Variants in SMARCAL1 observed in about 807,000 individuals in gnomAD.
The protein encoded by SMARCAL1 is SNF2 related chromatin remodeling annealing helicase 1, also known as ATP-driven annealing helicase.
SMARCAL1 carries 58 observed loss-of-function variants against 94.5 expected under a neutral mutation model. That is an observed-to-expected ratio of 0.61 (90% CI 0.50 to 0.76). The LOEUF (loss-of-function observed/expected upper bound fraction) is 0.76. Among genes scored for constraint, SMARCAL1 ranks in the 30% least tolerant of loss-of-function variants. SMARCAL1 has a pLI of 0.00. For missense variants in SMARCAL1, 1,051 were observed against 1,177.9 expected (o/e 0.89, Z 1.58); for synonymous variants, 422 against 455.1 (o/e 0.93, Z 0.93).
In SMARCAL1 at chr2:216,475,227, C is replaced by A. The variant is rs369356727; in HGVS notation, c.2245-42C>A. The A allele has an allele frequency of 3.2e-5, 51 of 1,608,448 alleles. No individual in the cohort carries two copies. Among genetic ancestry groups the A allele is most frequent in the Non-Finnish European group, 2.6e-5 (30 of 1,176,438 alleles). ...TGGGTGTGGTTTGCTGAGAAGCCCC[C>A]GGGGCTGTTGCCCACCTTGCTTCTG... is the stretch of plus-strand genomic sequence containing the variant. On this transcript the variant is annotated intron_variant, in intron 14 of 17. Transcript: ENST00000357276. This position sits in a 1 kb window ranked among gnomAD's most constrained non-coding sequence, Gnocchi z 4.4.
chr2:216,480,100 T>A (rs550640250), intron 17 of SMARCAL1, among the ~76,000 whole-genome samples: 1 of 152,322 alleles, frequency 6.6e-6, no homozygotes, highest in East Asian at 1.9e-4. Flanking sequence ...TCACTTGAAC[T>A]CATTTATTCC....
rs762312641 is a variant in SMARCAL1 at position 216,423,499 on chromosome 2, C to G, written c.1097-134C>G. ...TCTCCTAATTTCTGTATCCGCAGTG[C>G]TAGGTACAGGACCAGCTGCCACATT... On this transcript the variant is annotated intron_variant, in intron 5 of 17. Coordinates refer to ENST00000357276, the MANE Select transcript of SMARCAL1 (RefSeq NM_014140.4). 80 of 763,254 alleles carry G rather than the reference C, an allele frequency of 1.0e-4. 1 individual carries two copies. Among genetic ancestry groups the G allele is most frequent in the Non-Finnish European group, 1.8e-4 (75 of 423,860 alleles). 47.3% of individuals were successfully genotyped at this position (763,254 alleles called of 1,614,324 possible). A position where few individuals can be genotyped will look rare whatever the true frequency, so the allele number is the denominator to read the frequency against.
chr2:216,474,454 GAAA>G (rs111287911), intron 14 of SMARCAL1, among the ~76,000 whole-genome samples: 1 of 115,450 alleles, frequency 8.7e-6, no homozygotes, highest in Non-Finnish European at 1.8e-5. Flanking sequence ...GTGCATTCTT[GAAA>G]AAAAAAAAAA....
chr2:216,428,280 T>G (rs1693882661), intron 6 of SMARCAL1, among the ~76,000 whole-genome samples: 1 of 152,218 alleles, frequency 6.6e-6, no homozygotes, highest in Admixed American at 6.5e-5. Context: ...TCTCTCCGGT[T>G]TATTCTTTTT....
In SMARCAL1 at chr2:216,478,373, T is replaced by G; in HGVS notation, c.2625+74T>G. ...AGCTGTCTGCCAAGTCTTTGGGTCC[T>G]GAGTAGGAGGATGTGAATCACTCCT... On this transcript the variant is annotated intron_variant, in intron 17 of 17. Transcript: ENST00000357276. The G allele has an allele frequency of 2.6e-6, 3 of 1,148,894 alleles. No homozygotes were observed. The South Asian group carries it at 3.7e-5, about 14-fold the overall frequency. The allele number at this position is 1,148,894 out of a possible 1,614,324, so 71.2% of individuals were successfully genotyped here.
chr2:216,479,229 C>T (rs1110998), intron 17 of SMARCAL1: 35,129 of 152,152 alleles, frequency 0.23, 5,023 homozygotes, highest in Non-Finnish European at 0.3. Flanking sequence ...CTTACGGTAG[C>T]TTATCAGGAA....
In SMARCAL1 at chr2:216,415,017, C is replaced by T. The variant is rs372708949; in HGVS notation, c.313C>T (p.Pro105Ser). ...KGIWKKPEEM[P>S]TACPGHSPRS... ...AATATGGAAAAAGCCAGAAGAAATG[C>T]CCACAGCCTGCCCAGGCCACAGTCC... Residue 105 changes from proline (P) to serine (S), a missense_variant, in exon 3 of 18, where the codon CCC (proline) becomes TCC (serine). Physicochemically the swap from Pro to Ser is moderately conservative, Grantham distance 74. Around this residue, in one of 3 missense-constraint regions of SMARCAL1, gnomAD observed 398 missense variants for 395.2 expected, o/e 1.01. Transcript: ENST00000357276. The T allele has an allele frequency of 6.2e-7, 1 of 1,613,988 alleles. No individual in the cohort carries two copies. The highest frequency in any genetic ancestry group is 8.5e-7 in the Non-Finnish European group (1 of 1,179,950).
At chr2:216,457,410 T>A (rs142752099) in intron 12 of SMARCAL1, among the ~76,000 whole-genome samples, 5,349 of 152,278 alleles carry the variant, frequency 0.035, 201 homozygotes, top group East Asian at 0.16. Flanking sequence ...CACACCGTAC[T>A]TATTCCAAAA....
intron 7 of SMARCAL1, 77 bp downstream of exon 7, chr2:216,428,859 C>T: frequency 7.5e-7 from 1 of 1,336,582 alleles, no homozygotes; most frequent in Non-Finnish European, 1.1e-6. Context: ...TCAGATGCTT[C>T]CTGTTTTATG....
chr2:216,429,450 A>G (rs1342291561), intron 7 of SMARCAL1, among the ~76,000 whole-genome samples: 2 of 152,382 alleles, frequency 1.3e-5, no homozygotes, highest in South Asian at 2.1e-4. Context: ...AAGAAAAAAG[A>G]TAAACCTACA....
intron 17 of SMARCAL1, among the ~76,000 whole-genome samples, chr2:216,478,808 C>T (rs535303857): frequency 1.2e-3 from 178 of 152,320 alleles, no homozygotes; most frequent in Non-Finnish European, 2.0e-3. Flanking sequence ...GCATGTGAAG[C>T]CAGCCCAAGG....
Position 216,435,516 on chromosome 2 carries a change from C to T in SMARCAL1, c.1644+20C>T, listed in dbSNP as rs774153257. 6.2e-7 allele frequency: 1 copy of T among 1,604,442 alleles called. No homozygotes were observed. The highest frequency in any genetic ancestry group is 8.5e-7 in the Non-Finnish European group (1 of 1,171,296). On this transcript the variant is annotated intron_variant, in intron 9 of 17. Transcript: ENST00000357276. ...ATCATTGTAAGAAACTTGGCAAAGT[C>T]TTTAAGTACTTTATCTCTCTGGAAA...
chr2:216,462,662 G>A (rs767492000), intron 12 of SMARCAL1, among the ~76,000 whole-genome samples: 5 of 151,956 alleles, frequency 3.3e-5, no homozygotes, highest in South Asian at 4.2e-4. Context: ...CTTTTTTCCC[G>A]TAAAGTCCTG....
chr2:216,428,841 G>T (rs1371526953), intron 7 of SMARCAL1, 59 bp downstream of exon 7: 10 of 1,452,446 alleles, frequency 6.9e-6, no homozygotes, highest in Non-Finnish European at 9.7e-6. Context: ...ACTCACCACA[G>T]ACTGCATTCA....
intron 10 of SMARCAL1, among the ~76,000 whole-genome samples, chr2:216,439,018 C>G (rs1694139875): frequency 6.6e-6 from 1 of 152,148 alleles, no homozygotes; most frequent in Non-Finnish European, 1.5e-5. Flanking sequence ...GATACACTGG[C>G]AAAGCTAAGA....
rs1269274712 is a variant in SMARCAL1 at position 216,482,758 on chromosome 2, C to T, written c.2646C>T (p.Ile882=). The T allele has an allele frequency of 1.2e-6, 2 of 1,614,144 alleles. No homozygotes were observed. The highest frequency in any genetic ancestry group is 2.2e-5 in the East Asian group (1 of 44,886). The change falls in exon 18 of 18, where the codon ATC becomes ATT. Residue 882 remains isoleucine, a synonymous_variant. Coordinates refer to ENST00000357276, the MANE Select transcript of SMARCAL1 (RefSeq NM_014140.4). This position sits in a 1 kb window ranked among gnomAD's most constrained non-coding sequence, Gnocchi z 4.3. The part of the protein sequence containing the change: ...YLYKDPKQQK[I]YDLFQKSFEK... ...TGAAGGACCCAAAGCAGCAGAAGAT[C>T]TACGACCTATTCCAGAAGTCCTTTG...
chr2:216,481,651 G>A (rs187739219), intron 17 of SMARCAL1, among the ~76,000 whole-genome samples: 2 of 151,778 alleles, frequency 1.3e-5, no homozygotes, highest in East Asian at 1.9e-4. Flanking sequence ...CTACAGGCAC[G>A]CACCACCATG....
At chr2:216,425,658 A>G (rs1331989319) in intron 6 of SMARCAL1, among the ~76,000 whole-genome samples, 1 of 152,142 alleles carries the variant, frequency 6.6e-6, no homozygotes, top group East Asian at 1.9e-4. Flanking sequence ...ACAACTGGAG[A>G]GTGAGCAAGG....
At chr2:216,430,450 C>G (rs1338328420) in intron 7 of SMARCAL1, among the ~76,000 whole-genome samples, 1 of 152,190 alleles carries the variant, frequency 6.6e-6, no homozygotes, top group Non-Finnish European at 1.5e-5. Context: ...TAAAGTTATT[C>G]AGCAGTCAGA....
Sources: allele counts gnomAD v4.1 joint callset (sites outside exome capture counted in the v4.1 genomes callset), GRCh38; gene constraint gnomAD v4.1.1; regional missense constraint gnomAD v4.1.1; non-coding constraint Gnocchi (gnomAD v3.1); transcripts MANE v1.5; gene names NCBI Gene and HGNC (gene_info 2026-07-23, HGNC 2026-07-21).